The following CLYBL variants were observed in gnomAD, a reference collection of about 807,000 sequenced individuals.
CLYBL encodes the protein citramalyl-CoA lyase, also known as citramalyl-CoA lyase, mitochondrial.
CLYBL carries 31 observed loss-of-function variants against 38.9 expected under a neutral mutation model. The ratio of observed to expected loss-of-function variants is 0.80; its 90% CI spans 0.60 to 1.08. CLYBL has a LOEUF of 1.08. CLYBL is among the 50% of genes least tolerant of loss of function. The pLI is 0.00. For missense variants in CLYBL, 434 were observed against 411.6 expected (o/e 1.05, Z -0.47); for synonymous variants, 171 against 158.6 (o/e 1.08, Z -0.59).
At chr13:99,615,579 TAAGAA>T (rs1250451857) in intron 1 of CLYBL, among the ~76,000 whole-genome samples, 3 of 152,224 alleles carry the variant, frequency 2.0e-5, no homozygotes, top group African/African-American at 7.2e-5. Flanking sequence ...AGGCAATAAA[TAAGAA>T]ATCAAGGAAA....
At chr13:99,814,838 C>T (rs972270976) in intron 2 of CLYBL, among the ~76,000 whole-genome samples, 1 of 152,004 alleles carries the variant, frequency 6.6e-6, no homozygotes, top group African/African-American at 2.4e-5. Context: ...TGAGACTGGC[C>T]TGGGCAACAT....
At chr13:99,862,912 T>TG in intron 3 of CLYBL, 79 bp from the exon 4 acceptor site, 1 of 752,384 alleles carries the variant, frequency 1.3e-6, no homozygotes, top group Non-Finnish European at 2.2e-6. Flanking sequence ...GTCAAAGACT[T>TG]AAATACTACT....
intron 1 of CLYBL, among the ~76,000 whole-genome samples, chr13:99,710,353 G>T (rs768881503): frequency 6.6e-6 from 1 of 152,136 alleles, no homozygotes; most frequent in East Asian, 1.9e-4. Flanking sequence ...GGCAGTCACG[G>T]GGCCGCACAT....
intron 3 of CLYBL, 115 bp downstream of exon 3, chr13:99,859,164 G>C: frequency 2.9e-6 from 2 of 697,192 alleles, no homozygotes; most frequent in Non-Finnish European, 2.2e-6. Context: ...GAGAGGAAGG[G>C]AATTGAGAAA....
chr13:99,865,475 T>A lies in CLYBL; in HGVS notation c.634+564T>A, dbSNP rs2051718277. Among the ~76,000 whole-genome samples the A allele has an allele frequency of 6.6e-6, 1 of 152,200 alleles. No homozygotes were observed. ...CCTTGTGAGCTGCACTTGAGGGGTC[T>A]GCATGTTTGACTGGAGACCGTGAAG... On this transcript the variant is annotated intron_variant, in intron 5 of 8. Transcript: ENST00000339105. This position sits in a 1 kb window ranked among gnomAD's most constrained non-coding sequence, Gnocchi z 4.7.
chr13:99,727,586 A>C lies in CLYBL; in HGVS notation c.63-45238A>C, dbSNP rs2048500320. The C allele has an allele frequency of 2.0e-5, 3 of 151,772 alleles. No individual in the cohort carries two copies. The South Asian group carries it at 6.3e-4, about 32-fold the overall frequency. 9.4% of individuals were successfully genotyped at this position (151,772 alleles called of 1,614,324 possible). The stretch of plus-strand genomic sequence containing the variant: ...AGGTCAGATCTAGTATCCAAGAAGT[A>C]ACAAAAATAGTCCATCTAGCAAATG... On this transcript the variant is annotated intron_variant, in intron 1 of 8. Transcript: ENST00000339105.
intron 1 of CLYBL, among the ~76,000 whole-genome samples, chr13:99,691,592 AAAAACC>A (rs2047903398): frequency 1.3e-5 from 2 of 151,962 alleles, no homozygotes; most frequent in South Asian, 2.1e-4. Context: ...GACCTAAAAA[AAAAACC>A]AAAAAACAAA....
chr13:99,705,516 G>T (rs2048133576), intron 1 of CLYBL, among the ~76,000 whole-genome samples: 1 of 151,878 alleles, frequency 6.6e-6, no homozygotes, highest in Admixed American at 6.6e-5. Flanking sequence ...GAAGGTGGAG[G>T]TTGCAGTGAG....
chr13:99,645,934 G>A (rs1260590639), intron 1 of CLYBL, among the ~76,000 whole-genome samples: 1 of 152,094 alleles, frequency 6.6e-6, no homozygotes, highest in East Asian at 1.9e-4. Context: ...TAAGGGGTGT[G>A]GGGCATGAAT....
intron 1 of CLYBL, among the ~76,000 whole-genome samples, chr13:99,651,473 G>A (rs2047251565): frequency 6.6e-6 from 1 of 152,184 alleles, no homozygotes; most frequent in Admixed American, 6.5e-5. Flanking sequence ...GGGAGGCTGA[G>A]GTGGGAGAAT....
chr13:99,851,367 CAAAAAAAAAA>C (rs35539387), intron 2 of CLYBL, among the ~76,000 whole-genome samples: 5 of 63,102 alleles, frequency 7.9e-5, no homozygotes, highest in African/African-American at 3.2e-4. Flanking sequence ...AAGTCCACCT[CAAAAAAAAAA>C]AAAAAAAAAA....
At chr13:99,731,008 C>T (rs61974416) in intron 1 of CLYBL, among the ~76,000 whole-genome samples, 3,280 of 138,100 alleles carry the variant, frequency 0.024, 54 homozygotes, top group Middle Eastern at 0.13. Flanking sequence ...ACTTGAGCCC[C>T]GGGGGCTGAG....
At chr13:99,851,145 G>T (rs1021046472) in intron 2 of CLYBL, among the ~76,000 whole-genome samples, 1 of 152,006 alleles carries the variant, frequency 6.6e-6, no homozygotes, top group African/African-American at 2.4e-5. Context: ...GGCTGAGTGG[G>T]TCACCTGAGG....
chr13:99,836,738 G>C lies in CLYBL; in HGVS notation c.250-22123G>C, dbSNP rs150309674. On this transcript the variant is annotated intron_variant, in intron 2 of 8. Transcript: ENST00000339105. ...ATCATTAAATTCTTCCAAGATGGTG[G>C]TGCTAGAGAGATTATTTCATTTCTG... Among the ~76,000 whole-genome samples the C allele has an allele frequency of 2.4e-3, 361 of 152,324 alleles. 2 individuals are homozygous for C. Among genetic ancestry groups the C allele is most frequent in the African/African-American group, 8.5e-3 (355 of 41,576 alleles).
At chr13:99,856,858 T>G (rs2051471766) in intron 2 of CLYBL, among the ~76,000 whole-genome samples, 1 of 151,200 alleles carries the variant, frequency 6.6e-6, no homozygotes, top group South Asian at 2.1e-4. Context: ...AGGCTGGTCT[T>G]GAACTCTTGA....
intron 1 of CLYBL, among the ~76,000 whole-genome samples, chr13:99,614,720 C>G (rs1379548221): frequency 6.6e-6 from 1 of 152,132 alleles, no homozygotes; most frequent in African/African-American, 2.4e-5. Context: ...CCAGAGCCAT[C>G]TAGAGGACAT....
chr13:99,754,087 CAAAA>C (rs71121003), intron 1 of CLYBL, among the ~76,000 whole-genome samples: 1,052 of 45,302 alleles, frequency 0.023, 6 homozygotes, highest in South Asian at 0.047. Flanking sequence ...AACTCGGTCT[CAAAA>C]AAAAAAAAAA....
chr13:99,870,981 G>A lies in CLYBL; in HGVS notation c.846G>A (p.Glu282=), dbSNP rs1328750092. Residue 282 remains glutamate, a synonymous_variant, in exon 7 of 9, where the codon GAG becomes GAA. Coordinates refer to ENST00000339105, the MANE Select transcript of CLYBL (RefSeq NM_206808.5). ...IHPNQIAVVQ[E]QFSPSPEKIK... ...CTAACCAAATTGCCGTGGTCCAGGAGCAGTTTTCTCCTTCCCCTGAAAAAA... is the reference window on the plus strand; with the variant it reads ...CTAACCAAATTGCCGTGGTCCAGGAACAGTTTTCTCCTTCCCCTGAAAAAA... The A allele has an allele frequency of 1.2e-6, 2 of 1,613,714 alleles. No homozygotes were observed. The highest frequency in any genetic ancestry group is 2.7e-5 in the African/African-American group (2 of 74,894).
chr13:99,896,668 T>G (rs1466879355), downstream of CLYBL: 3 of 152,264 alleles, frequency 2.0e-5, no homozygotes, highest in Admixed American at 6.5e-5. Flanking sequence ...CCCACTTTGT[T>G]CAATCACAGT....
Sources: allele counts gnomAD v4.1 joint callset (sites outside exome capture counted in the v4.1 genomes callset), GRCh38; gene constraint gnomAD v4.1.1; non-coding constraint Gnocchi (gnomAD v3.1); transcripts MANE v1.5; gene names NCBI Gene and HGNC (gene_info 2026-07-23, HGNC 2026-07-21).